COL27A1: variants seen among roughly 807,000 people sequenced by gnomAD.
COL27A1 encodes the protein collagen type XXVII alpha 1 chain.
A neutral mutation model predicts 251.3 loss-of-function variants in COL27A1; 106 were observed. That is an observed-to-expected ratio of 0.42 (90% CI 0.36 to 0.50). The LOEUF (loss-of-function observed/expected upper bound fraction) is 0.50, where lower values mean the gene tolerates loss of function less well. Among genes scored for constraint, COL27A1 ranks in the 20% least tolerant of loss-of-function variants. The probability of loss-of-function intolerance (pLI) is 0.00; values close to 1 mark genes in which losing one functional copy is unlikely to be tolerated. For missense variants in COL27A1, 2,325 were observed against 2,522.8 expected, an observed-to-expected ratio of 0.92 and a Z score of 1.68; for synonymous variants, 1,000 against 986.3, an observed-to-expected ratio of 1.01 and a Z score of -0.26.
intron 12 of COL27A1, among the ~76,000 whole-genome samples, chr9:114,212,235 CCA>C (rs1830416948): frequency 6.6e-6 from 1 of 152,174 alleles, no homozygotes; most frequent in Non-Finnish European, 1.5e-5. Context: ...CCTGATGCTC[CCA>C]GCTTCAGGGC....
intron 7 of COL27A1, among the ~76,000 whole-genome samples, chr9:114,203,238 A>G (rs1437327088): frequency 6.6e-6 from 1 of 152,232 alleles, no homozygotes; most frequent in Non-Finnish European, 1.5e-5. Context: ...GTGCTGGAGC[A>G]TGAAAACTCG....
At chr9:114,236,814 G>C (rs1832432479) in intron 17 of COL27A1, among the ~76,000 whole-genome samples, 167 bp from the exon 18 acceptor site, 1 of 152,312 alleles carries the variant, frequency 6.6e-6, no homozygotes, top group Non-Finnish European at 1.5e-5. Flanking sequence ...GGGGTGTCAG[G>C]CAGGTGTGAT....
At chr9:114,275,622 T>TTCTC (rs143442582) in intron 36 of COL27A1, 39 bp from the exon 37 acceptor site, 1 of 1,378,138 alleles carries the variant, frequency 7.3e-7, no homozygotes, top group African/African-American at 1.4e-5. Context: ...AACTAACTTA[T>TTCTC]TCTCTCTCTC....
chr9:114,261,545 C>G (rs1300515447), intron 28 of COL27A1, among the ~76,000 whole-genome samples: 1 of 152,226 alleles, frequency 6.6e-6, no homozygotes, highest in Non-Finnish European at 1.5e-5. Context: ...CTACTGCCTC[C>G]TCCTCTCTCT....
intron 19 of COL27A1, 114 bp from the exon 20 acceptor site, chr9:114,240,106 G>GGTCCC (rs1278272303): frequency 3.3e-5 from 31 of 930,462 alleles, no homozygotes; most frequent in Non-Finnish European, 5.5e-5. Context: ...ACCTGCCTGG[G>GGTCCC]GTCCCATCCC....
chr9:114,222,639 G>A (rs534325834), intron 14 of COL27A1, among the ~76,000 whole-genome samples: 38 of 152,306 alleles, frequency 2.5e-4, no homozygotes, highest in African/African-American at 9.1e-4. Context: ...GGCAAGTGGT[G>A]ATGGCATACT....
At chr9:114,251,560 C>T (rs1413993017) in intron 25 of COL27A1, among the ~76,000 whole-genome samples, 2 of 152,010 alleles carry the variant, frequency 1.3e-5, no homozygotes, top group African/African-American at 2.4e-5. Flanking sequence ...AAAATAGTAC[C>T]CTTCACCCTG....
At chr9:114,244,277 G>A (rs561950574) in intron 23 of COL27A1, among the ~76,000 whole-genome samples, 1 of 152,154 alleles carries the variant, frequency 6.6e-6, no homozygotes, top group Non-Finnish European at 1.5e-5. Flanking sequence ...AAAGTGGACA[G>A]GGATTATCTC....
Position 114,197,875 on chromosome 9 carries a change from G to A in COL27A1, c.2124+1863G>A, listed in dbSNP as rs147414348. The stretch of plus-strand genomic sequence containing the variant: ...GTCACCCACTTACAGAGGGTGCTGG[G>A]CGAAGTGTCGGGGAGCTCAGGTCCC... On this transcript the variant is annotated intron_variant, in intron 7 of 60. Transcript: ENST00000356083. Among the ~76,000 whole-genome samples the A allele has an allele frequency of 2.3e-3, 345 of 152,360 alleles. 1 individual carries two copies. The highest frequency in any genetic ancestry group is 7.8e-3 in the African/African-American group (326 of 41,582).
At chr9:114,179,896 T>C (rs1288778274) in intron 4 of COL27A1, among the ~76,000 whole-genome samples, 5 of 133,090 alleles carry the variant, frequency 3.8e-5, no homozygotes, top group African/African-American at 1.4e-4. Context: ...TGGAGTGCAA[T>C]GGAGCAATCT....
chr9:114,224,336 G>A (rs1265527265), intron 14 of COL27A1, among the ~76,000 whole-genome samples: 2 of 152,132 alleles, frequency 1.3e-5, no homozygotes, highest in African/African-American at 4.8e-5. Flanking sequence ...ATTCTACAGA[G>A]CTCTCTTTGT....
chr9:114,210,271 G>A (rs1165298585), intron 11 of COL27A1, among the ~76,000 whole-genome samples: 1 of 152,236 alleles, frequency 6.6e-6, no homozygotes, highest in African/African-American at 2.4e-5. Context: ...TGGCAGAGTT[G>A]AGTAGGTGTG....
rs185026704 is a variant in COL27A1, at chr9:114,293,730, A to G, written c.4584+1520A>G. Among the ~76,000 whole-genome samples the G allele has an allele frequency of 2.3e-3, 357 of 152,300 alleles. 1 individual carries two copies. The highest frequency in any genetic ancestry group is 8.0e-3 in the African/African-American group (333 of 41,568). ...CAGAAATTAAAAGGCTAATAAGGGA[A>G]TATTATAAATGATTTTATGACAATA... On this transcript the variant is annotated intron_variant, in intron 49 of 60. Transcript: ENST00000356083.
At position 114,281,981 on chromosome 9, in the gene COL27A1, G is replaced by C. The variant is rs908205511; in HGVS notation, c.3718-296G>C. ...AGTAACCATGACAACAGCAAAGCCA[G>C]CAATTGCAGAAGCCGCACCCGCCAT... is the stretch of plus-strand genomic sequence containing the variant. On this transcript the variant is annotated intron_variant, in intron 37 of 60. Transcript: ENST00000356083. Among the ~76,000 whole-genome samples the C allele has an allele frequency of 2.0e-5, 3 of 152,128 alleles. No individual in the cohort carries two copies. The East Asian group carries it at 5.8e-4, about 29-fold the overall frequency.
At chr9:114,282,218 C>T (rs1364411047) in intron 37 of COL27A1, 59 bp from the exon 38 acceptor site, 6 of 1,516,604 alleles carry the variant, frequency 4.0e-6, no homozygotes, top group East Asian at 2.3e-5. Context: ...CTTGCGGATC[C>T]GCCTCAGTTT....
At chr9:114,217,558 A>G (rs1019711586) in intron 12 of COL27A1, among the ~76,000 whole-genome samples, 1 of 152,254 alleles carries the variant, frequency 6.6e-6, no homozygotes, top group African/African-American at 2.4e-5. Flanking sequence ...CAACCTGAGC[A>G]GGACAGAGGG....
chr9:114,299,301 C>CTAAT (rs1237102958), intron 49 of COL27A1, among the ~76,000 whole-genome samples: 1 of 152,208 alleles, frequency 6.6e-6, no homozygotes, highest in Non-Finnish European at 1.5e-5. Flanking sequence ...CTAGGAGATT[C>CTAAT]TAATACATGG....
intron 3 of COL27A1, 86 bp downstream of exon 3, chr9:114,169,549 G>A: frequency 1.8e-6 from 2 of 1,127,462 alleles, no homozygotes; most frequent in South Asian, 3.3e-5. Flanking sequence ...AGTAAAGACA[G>A]GAAAAGGAGC....
intron 12 of COL27A1, among the ~76,000 whole-genome samples, chr9:114,213,166 G>A (rs1022963480): frequency 1.3e-5 from 2 of 152,166 alleles, no homozygotes; most frequent in African/African-American, 2.4e-5. Flanking sequence ...AGAGCTTGGG[G>A]TACGGAGTCT....
Sources: gnomAD v4.1 joint callset for allele counts (sites outside exome capture counted in the v4.1 genomes callset) on GRCh38, gnomAD v4.1.1 for gene constraint, MANE v1.5 for transcripts, NCBI Gene and HGNC (gene_info 2026-07-23, HGNC 2026-07-21) for gene names.